Variants in IMMT observed in about 807,000 individuals in gnomAD.
IMMT encodes MICOS complex subunit MIC60.
Under a neutral mutation model 92.7 loss-of-function variants are expected in IMMT, and 40 were observed. That is an observed-to-expected ratio of 0.43 (90% CI 0.34 to 0.56). The LOEUF is 0.56. IMMT is among the 20% of genes least tolerant of loss of function. The pLI, the probability that IMMT is intolerant of heterozygous loss-of-function variation, is 0.03. For missense variants in IMMT, 831 were observed against 912.1 expected, an observed-to-expected ratio of 0.91 and a Z score of 1.14; for synonymous variants, 322 against 336.1, an observed-to-expected ratio of 0.96 and a Z score of 0.46.
chr2:86,160,293 G>A (rs920159165), intron 8 of IMMT, among the ~76,000 whole-genome samples: 3 of 152,168 alleles, frequency 2.0e-5, no homozygotes, highest in African/African-American at 7.2e-5. Flanking sequence ...AGTACTTAGT[G>A]CCTGGCTGAA....
chr2:86,181,034 C>T (rs1376144311), intron 2 of IMMT, among the ~76,000 whole-genome samples: 2 of 152,054 alleles, frequency 1.3e-5, no homozygotes, highest in East Asian at 3.9e-4. Context: ...AATCTATTTG[C>T]CATAGAATGG....
chr2:86,188,663 C>T (rs1455194907), intron 1 of IMMT, among the ~76,000 whole-genome samples: 2 of 152,110 alleles, frequency 1.3e-5, no homozygotes, highest in African/African-American at 2.4e-5. Flanking sequence ...TGCGCTCAAG[C>T]GTTCTGCCTG....
At chr2:86,158,389 C>G (rs1573895979) in intron 10 of IMMT, 2 of 410,304 alleles carry the variant, frequency 4.9e-6, no homozygotes, top group Non-Finnish European at 9.0e-6. Flanking sequence ...AGCTGGAACT[C>G]ATGTTCACCA....
intron 1 of IMMT, among the ~76,000 whole-genome samples, chr2:86,183,804 T>C (rs775170304): frequency 2.0e-5 from 3 of 152,206 alleles, no homozygotes; most frequent in Non-Finnish European, 2.9e-5. Context: ...TTCAAGGATA[T>C]ATATTTTAAA....
intron 6 of IMMT, among the ~76,000 whole-genome samples, chr2:86,167,477 G>GTTTTTTTTT (rs796945734): frequency 1.8e-4 from 7 of 39,562 alleles, no homozygotes; most frequent in African/African-American, 5.3e-4. Context: ...CCGGTTTTTT[G>GTTTTTTTTT]TTTTTTGTTT....
chr2:86,188,944 T>C (rs1390665269), intron 1 of IMMT, among the ~76,000 whole-genome samples: 1 of 152,224 alleles, frequency 6.6e-6, no homozygotes, highest in Non-Finnish European at 1.5e-5. Context: ...CTCTTGTTGC[T>C]TGTGCTTTTG....
chr2:86,151,962 T>A (rs952140021), intron 11 of IMMT, among the ~76,000 whole-genome samples: 3 of 152,214 alleles, frequency 2.0e-5, no homozygotes, highest in Non-Finnish European at 4.4e-5. Flanking sequence ...CCTTAATAAG[T>A]TTTTTTACTT....
chr2:86,162,804 A>T (rs999690727), intron 7 of IMMT, among the ~76,000 whole-genome samples: 3 of 152,174 alleles, frequency 2.0e-5, no homozygotes, highest in Non-Finnish European at 4.4e-5. Context: ...AAATTGCGCC[A>T]CTGCACTCCA....
chr2:86,178,897 C>T (rs1466024296), intron 3 of IMMT, among the ~76,000 whole-genome samples: 1 of 151,892 alleles, frequency 6.6e-6, no homozygotes, highest in Non-Finnish European at 1.5e-5. Context: ...CCCATCTCTA[C>T]TAAAAATACA....
rs1675808630 is a variant in IMMT at position 86,155,709 on chromosome 2, T to A, written c.1163-2135A>T. Among the ~76,000 whole-genome samples, 4 of 152,216 alleles carry A rather than the reference T, an allele frequency of 2.6e-5. 1 individual carries two copies. In the South Asian group the frequency reaches 6.2e-4, roughly 24 times the overall value. On this transcript the variant is annotated intron_variant, in intron 10 of 14. Coordinates refer to ENST00000410111, the MANE Select transcript of IMMT (RefSeq NM_006839.3). ...AGCAATCCCAGAACTTAAAGTATAA[T>A]AAAGAAATAATGACAATAAGAGCAA...
In IMMT at chr2:86,158,465, G is replaced by A. The variant is rs143047403; in HGVS notation, c.1162+127C>T. ...GTAATGACTGTGGTTAAAATAAAAC[G>A]CTGTAACAAAAAGAGATATGCATGC... is the stretch of plus-strand genomic sequence containing the variant. On this transcript the variant is annotated intron_variant, in intron 10 of 14. Coordinates refer to ENST00000410111, the MANE Select transcript of IMMT (RefSeq NM_006839.3). 2.8e-5 allele frequency: 19 copies of A among 677,198 alleles called. No homozygotes were observed. The African/African-American group carries it at 2.9e-4, about 10-fold the overall frequency. 41.9% of individuals were successfully genotyped at this position (677,198 alleles called of 1,614,324 possible). A position where few individuals can be genotyped will look rare whatever the true frequency, so the allele number is the denominator to read the frequency against.
chr2:86,173,562 A>C, intron 4 of IMMT, 88 bp downstream of exon 4: 2 of 781,112 alleles, frequency 2.6e-6, no homozygotes, highest in Non-Finnish European at 4.3e-6. Flanking sequence ...CCTAGGCAAC[A>C]AGAGCGAAAC....
chr2:86,173,816 T>A, intron 3 of IMMT, 55 bp from the exon 4 acceptor site: 1 of 929,970 alleles, frequency 1.1e-6, no homozygotes, highest in Non-Finnish European at 1.7e-6. Context: ...TTTAAAAAGG[T>A]ACAGTGATTT....
chr2:86,169,799 C>A (rs1676961228), intron 6 of IMMT, among the ~76,000 whole-genome samples: 1 of 148,780 alleles, frequency 6.7e-6, no homozygotes, highest in Non-Finnish European at 1.5e-5. Context: ...TGCCTGTAAT[C>A]CCAGCACTTT....
rs185334316 is a variant in IMMT, at chr2:86,190,232, A to G, written c.45+5106T>C. 3.2e-3 allele frequency among the ~76,000 whole-genome samples: 485 copies of G among 152,336 alleles called. 3 individuals carry two copies. The highest frequency in any genetic ancestry group is 0.011 in the African/African-American group (452 of 41,576). On this transcript the variant is annotated intron_variant, in intron 1 of 14. Coordinates refer to ENST00000410111, the MANE Select transcript of IMMT (RefSeq NM_006839.3). Reference sequence around the variant, plus strand: ...TTCTAGCACGTGTGGTTGGCTGCCTATCTCTATCACTGAGTAACATAATGT... The same window carrying G: ...TTCTAGCACGTGTGGTTGGCTGCCTGTCTCTATCACTGAGTAACATAATGT...
intron 1 of IMMT, among the ~76,000 whole-genome samples, chr2:86,187,781 G>A (rs545732520): frequency 3.3e-5 from 5 of 151,790 alleles, no homozygotes; most frequent in Non-Finnish European, 7.4e-5. Flanking sequence ...GCGTGGTGGC[G>A]CATGCCTGTA....
chr2:86,156,636 A>C (rs1675877119), intron 10 of IMMT, among the ~76,000 whole-genome samples: 1 of 151,928 alleles, frequency 6.6e-6, no homozygotes, highest in Admixed American at 6.6e-5. Context: ...GGCACTTTCA[A>C]AAGCAGAAAA....
At chr2:86,150,713 C>G (rs1675403748) in intron 12 of IMMT, among the ~76,000 whole-genome samples, 1 of 152,186 alleles carries the variant, frequency 6.6e-6, no homozygotes, top group Non-Finnish European at 1.5e-5. Flanking sequence ...GACAGAGGCT[C>G]AGCTCCACTG....
intron 10 of IMMT, among the ~76,000 whole-genome samples, chr2:86,154,987 C>T (rs1448309264): frequency 6.6e-6 from 1 of 152,160 alleles, no homozygotes. Flanking sequence ...CTCAGCCTCC[C>T]GAGTAGCTAG....
Sources: gnomAD v4.1 joint callset for allele counts (sites outside exome capture counted in the v4.1 genomes callset) on GRCh38, gnomAD v4.1.1 for gene constraint, MANE v1.5 for transcripts, NCBI Gene and HGNC (gene_info 2026-07-23, HGNC 2026-07-21) for gene names.